The following MYO5B variants were observed in gnomAD, a reference collection of about 807,000 sequenced individuals.
The protein encoded by MYO5B is unconventional myosin-Vb.
In MYO5B, 143 loss-of-function variants were observed where a neutral mutation model predicts 229.3. The ratio of observed to expected loss-of-function variants is 0.62; its 90% CI spans 0.54 to 0.72. The LOEUF is 0.72. Ranked by LOEUF, MYO5B falls within the 30% of genes least tolerant of loss-of-function variation. The pLI is 0.00. For synonymous variants in MYO5B, 918 were observed against 885.2 expected, an observed-to-expected ratio of 1.04 and a Z score of -0.66; for missense variants, 2,321 against 2,331.0, an observed-to-expected ratio of 1.00 and a Z score of 0.09.
intron 31 of MYO5B, among the ~76,000 whole-genome samples, chr18:49,851,840 G>A (rs1294362020): frequency 2.0e-5 from 3 of 152,188 alleles, no homozygotes; most frequent in Non-Finnish European, 4.4e-5. Flanking sequence ...CGGTAGGCAG[G>A]AATGCTTGCT....
chr18:49,920,915 C>T (rs146479543), intron 17 of MYO5B, among the ~76,000 whole-genome samples: 42 of 152,204 alleles, frequency 2.8e-4, no homozygotes, highest in Admixed American at 3.9e-4. Flanking sequence ...TCCAAAGGAA[C>T]GAAGACAGAT....
chr18:49,937,519 C>A, intron 14 of MYO5B, 122 bp from the exon 15 acceptor site: 2 of 1,150,196 alleles, frequency 1.7e-6, no homozygotes, highest in Non-Finnish European at 1.3e-6. Context: ...CCAAAACCCA[C>A]ACACCAACCT....
At chr18:49,830,958 T>G (rs575053490) in intron 39 of MYO5B, among the ~76,000 whole-genome samples, 4 of 143,688 alleles carry the variant, frequency 2.8e-5, no homozygotes, top group African/African-American at 1.0e-4. Flanking sequence ...TACAGACCAA[T>G]AGAATATAAG....
chr18:50,077,502 A>AACACACACACACACACACAC (rs60086500), intron 1 of MYO5B, among the ~76,000 whole-genome samples: 10 of 133,598 alleles, frequency 7.5e-5, no homozygotes, highest in Non-Finnish European at 1.5e-4. Context: ...CACACACACA[A>AACACACACACACACACACAC]ACACACACAC....
At chr18:49,837,464 C>T in intron 37 of MYO5B, 53 bp downstream of exon 37, 2 of 1,597,154 alleles carry the variant, frequency 1.3e-6, no homozygotes, top group Admixed American at 1.7e-5. Flanking sequence ...ATTCTAGCTG[C>T]AGTCAGTGAG....
At chr18:50,035,562 T>C (rs1324047185) in intron 4 of MYO5B, among the ~76,000 whole-genome samples, 1 of 152,192 alleles carries the variant, frequency 6.6e-6, no homozygotes, top group Non-Finnish European at 1.5e-5. Context: ...GCAGGCTGCA[T>C]ACTGTGCAAC....
intron 14 of MYO5B, among the ~76,000 whole-genome samples, chr18:49,943,985 G>T (rs141920938): frequency 2.0e-5 from 3 of 152,092 alleles, no homozygotes; most frequent in Non-Finnish European, 4.4e-5. Flanking sequence ...CTGTGCATTC[G>T]GGGGGCTAAG....
rs1179658447 is a variant in MYO5B at position 49,902,592 on chromosome 18, A to G, written c.2811+2T>C. 2 of 1,611,424 alleles carry G rather than the reference A, an allele frequency of 1.2e-6. No homozygotes were observed. The highest frequency in any genetic ancestry group is 1.7e-5 in the Admixed American group (1 of 60,026). On this transcript the variant is annotated splice_donor_variant, in intron 21 of 39. Transcript: ENST00000285039. LOFTEE classifies it high-confidence loss of function. Reference sequence around the variant, plus strand: ...CCCAGGTAGGGAGCTGCAGACACTGACCTGCTCATCGATCTTCCGCTGCAG... The same window carrying G: ...CCCAGGTAGGGAGCTGCAGACACTGGCCTGCTCATCGATCTTCCGCTGCAG...
At chr18:50,122,203 A>G (rs73959882) in intron 1 of MYO5B, among the ~76,000 whole-genome samples, 1,838 of 152,182 alleles carry the variant, frequency 0.012, 30 homozygotes, top group African/African-American at 0.038. Flanking sequence ...TTCGCCACCA[A>G]AACACCCTTC....
chr18:49,985,358 G>C (rs999416824), intron 7 of MYO5B, among the ~76,000 whole-genome samples: 1 of 152,162 alleles, frequency 6.6e-6, no homozygotes, highest in Non-Finnish European at 1.5e-5. Context: ...CATGTTTGCT[G>C]TCATCCCCCA....
intron 1 of MYO5B, among the ~76,000 whole-genome samples, chr18:50,150,383 C>A (rs1251446098): frequency 1.4e-5 from 2 of 145,386 alleles, no homozygotes; most frequent in East Asian, 2.0e-4. Flanking sequence ...CACATGCACA[C>A]GTATGTTTAT....
chr18:50,183,556 C>T (rs1355410), intron 1 of MYO5B, among the ~76,000 whole-genome samples: 75,812 of 151,162 alleles, frequency 0.5, 19,127 homozygotes, highest in Admixed American at 0.59. Flanking sequence ...CAGCTTTTCA[C>T]TGGAGGATGT....
Position 49,906,561 on chromosome 18 carries a change from T to C in MYO5B, c.2272A>G (p.Lys758Glu), listed in dbSNP as rs2024901973. 9 of 1,614,054 alleles carry C rather than the reference T, an allele frequency of 5.6e-6. No homozygotes were observed. The East Asian group carries it at 2.0e-4, about 36-fold the overall frequency. Reference sequence around the variant, plus strand: ...GTCCGGAACTTGTCAGCCCGCAGCTTCTCCAGGTAGGCCACCTGGCCTGCT... The same window carrying C: ...GTCCGGAACTTGTCAGCCCGCAGCTCCTCCAGGTAGGCCACCTGGCCTGCT... ...FRAGQVAYLE[K>E]LRADKFRTAT... Residue 758 changes from lysine to glutamate, a missense_variant, in exon 19 of 40, where the codon AAG becomes GAG. By Grantham distance (56) the Lys-to-Glu change is moderately conservative. Coordinates refer to ENST00000285039, the MANE Select transcript of MYO5B (RefSeq NM_001080467.3).
chr18:50,096,227 AT>A (rs1325361352), intron 1 of MYO5B, among the ~76,000 whole-genome samples: 1 of 152,168 alleles, frequency 6.6e-6, no homozygotes, highest in Non-Finnish European at 1.5e-5. Context: ...TGATTCACTT[AT>A]GCTGAGACAC....
intron 33 of MYO5B, among the ~76,000 whole-genome samples, chr18:49,845,493 CA>C (rs1272415738): frequency 1.3e-4 from 20 of 152,234 alleles, no homozygotes; most frequent in Non-Finnish European, 2.1e-4. Context: ...ATTTGAACTT[CA>C]AATATTCCTG....
intron 1 of MYO5B, among the ~76,000 whole-genome samples, chr18:50,188,952 A>G (rs1457345551): frequency 6.6e-6 from 1 of 152,208 alleles, no homozygotes; most frequent in Non-Finnish European, 1.5e-5. Context: ...AACATGGTGA[A>G]GCAGGATCCA....
chr18:50,041,515 G>A (rs193196700), intron 2 of MYO5B, among the ~76,000 whole-genome samples: 19 of 152,026 alleles, frequency 1.2e-4, no homozygotes, highest in African/African-American at 4.6e-4. Context: ...CAGAAAAATT[G>A]TATGTTATAA....
At chr18:50,172,237 C>T (rs981209165) in intron 1 of MYO5B, among the ~76,000 whole-genome samples, 2 of 146,602 alleles carry the variant, frequency 1.4e-5, no homozygotes, top group Admixed American at 7.0e-5. Flanking sequence ...GCCATGATCA[C>T]GCCATTGCAC....
chr18:49,880,493 C>A (rs777574112), intron 22 of MYO5B, 38 bp from the exon 23 acceptor site: 6 of 1,526,374 alleles, frequency 3.9e-6, no homozygotes, highest in Admixed American at 1.7e-5. Context: ...TCTCATGATG[C>A]TGGGAAGAGG....
Sources: allele counts gnomAD v4.1 joint callset (sites outside exome capture counted in the v4.1 genomes callset), GRCh38; gene constraint gnomAD v4.1.1; transcripts MANE v1.5; gene names NCBI Gene and HGNC (gene_info 2026-07-23, HGNC 2026-07-21).